The following LIMCH1 variants were observed in gnomAD, a reference collection of about 807,000 sequenced individuals.
LIMCH1 encodes LIM and calponin homology domains 1.
A neutral mutation model predicts 176.5 loss-of-function variants in LIMCH1; 113 were observed. That is an observed-to-expected ratio of 0.64 (90% confidence interval 0.55 to 0.75). The LOEUF (loss-of-function observed/expected upper bound fraction) is 0.75, where lower values mean the gene tolerates loss of function less well. Among genes scored for constraint, LIMCH1 ranks in the 30% least tolerant of loss-of-function variants. The pLI is 0.00. For missense variants in LIMCH1, 1,674 were observed against 1,814.9 expected, an observed-to-expected ratio of 0.92 and a Z score of 1.41; for synonymous variants, 619 against 645.9, an observed-to-expected ratio of 0.96 and a Z score of 0.63.
chr4:41,490,646 C>T (rs1165227217), intron 1 of LIMCH1, among the ~76,000 whole-genome samples: 1 of 152,224 alleles, frequency 6.6e-6, no homozygotes, highest in Non-Finnish European at 1.5e-5. Flanking sequence ...TTTCTTGGTA[C>T]AGAACAAAAT....
chr4:41,664,302 G>A (rs1321563656), intron 20 of LIMCH1, among the ~76,000 whole-genome samples: 1 of 152,186 alleles, frequency 6.6e-6, no homozygotes, highest in African/African-American at 2.4e-5. Flanking sequence ...AGTATTGGCT[G>A]TGCACCTACT....
intron 1 of LIMCH1, among the ~76,000 whole-genome samples, chr4:41,383,638 A>G (rs2056043327): frequency 6.6e-6 from 1 of 152,192 alleles, no homozygotes; most frequent in Non-Finnish European, 1.5e-5. Context: ...TGGCGCTTTT[A>G]ATAGTAGAGG....
At chr4:41,483,637 C>A (rs1235856132) in intron 1 of LIMCH1, among the ~76,000 whole-genome samples, 1 of 152,196 alleles carries the variant, frequency 6.6e-6, no homozygotes, top group South Asian at 2.1e-4. Context: ...TACCACCCTT[C>A]TCATCCCCAC....
intron 17 of LIMCH1, among the ~76,000 whole-genome samples, chr4:41,648,945 A>C (rs1207195413): frequency 9.4e-5 from 14 of 148,978 alleles, no homozygotes; most frequent in Admixed American, 9.4e-4. Context: ...GCTTGGGGCA[A>C]CTTCTGTTTC....
chr4:41,633,106 C>G (rs2093410886), intron 12 of LIMCH1, 21 bp downstream of exon 12: 2 of 1,491,942 alleles, frequency 1.3e-6, no homozygotes. Flanking sequence ...TGCCTGCGCT[C>G]TGCTCCGTGG....
chr4:41,371,362 C>A (rs535431900), intron 1 of LIMCH1, among the ~76,000 whole-genome samples: 1 of 152,222 alleles, frequency 6.6e-6, no homozygotes, highest in African/African-American at 2.4e-5. Context: ...TGGTTAGGAC[C>A]ATGATGAAAA....
At chr4:41,612,044 G>A (rs1345360425) in intron 4 of LIMCH1, among the ~76,000 whole-genome samples, 4 of 152,094 alleles carry the variant, frequency 2.6e-5, no homozygotes, top group African/African-American at 9.7e-5. Flanking sequence ...CAGGCCATTT[G>A]ACAACCTGTT....
At chr4:41,587,485 G>A (rs779846490) in intron 1 of LIMCH1, among the ~76,000 whole-genome samples, 3 of 152,120 alleles carry the variant, frequency 2.0e-5, no homozygotes, top group Non-Finnish European at 4.4e-5. Context: ...CTAGAGGTTC[G>A]TGTGGAAGAA....
chr4:41,691,592 CAAAAAAA>C (rs796984431), intron 30 of LIMCH1, among the ~76,000 whole-genome samples: 134 of 62,394 alleles, frequency 2.1e-3, no homozygotes, highest in Middle Eastern at 0.02. Flanking sequence ...ACTAAAAATA[CAAAAAAA>C]AAAAAAAAAA....
intron 1 of LIMCH1, among the ~76,000 whole-genome samples, chr4:41,477,283 C>T (rs970079986): frequency 1.3e-5 from 2 of 152,104 alleles, no homozygotes; most frequent in Non-Finnish European, 2.9e-5. Context: ...AAAGGCAGCT[C>T]CCCAGGGTGG....
intron 1 of LIMCH1, among the ~76,000 whole-genome samples, chr4:41,423,520 G>A (rs2060806110): frequency 6.6e-6 from 1 of 151,984 alleles, no homozygotes; most frequent in Non-Finnish European, 1.5e-5. Flanking sequence ...AAATGGGAGG[G>A]GAGGTGAGAA....
intron 1 of LIMCH1, among the ~76,000 whole-genome samples, chr4:41,576,030 G>A (rs2084407460): frequency 6.6e-6 from 1 of 152,202 alleles, no homozygotes; most frequent in Admixed American, 6.5e-5. Context: ...ACAAAAAGAA[G>A]AATGTGTAAG....
At chr4:41,660,188 A>G (rs978025150) in intron 18 of LIMCH1, among the ~76,000 whole-genome samples, 4 of 152,166 alleles carry the variant, frequency 2.6e-5, no homozygotes, top group Non-Finnish European at 5.9e-5. Flanking sequence ...CGTATCATTA[A>G]CTATTATTCA....
At chr4:41,672,715 G>A (rs2095091080) in intron 22 of LIMCH1, among the ~76,000 whole-genome samples, 1 of 152,146 alleles carries the variant, frequency 6.6e-6, no homozygotes, top group African/African-American at 2.4e-5. Context: ...CTAATCTCAG[G>A]CCTTGTTCGC....
At chr4:41,497,782 G>A (rs943998096) in intron 2 of LIMCH1, among the ~76,000 whole-genome samples, 18 of 146,170 alleles carry the variant, frequency 1.2e-4, no homozygotes, top group African/African-American at 2.3e-4. Flanking sequence ...TCCAGCCTGG[G>A]CAACAAGAGC....
intron 1 of LIMCH1, chr4:41,386,013 T>C (rs1405816909): frequency 6.6e-6 from 1 of 152,146 alleles, no homozygotes; most frequent in Non-Finnish European, 1.5e-5. Context: ...TAGGGTGAGT[T>C]TGATTAGAAT....
At chr4:41,582,554 C>T (rs2085685695) in intron 1 of LIMCH1, among the ~76,000 whole-genome samples, 1 of 152,126 alleles carries the variant, frequency 6.6e-6, no homozygotes, top group Non-Finnish European at 1.5e-5. Flanking sequence ...GTCAGATGGC[C>T]AGGATTTGAT....
intron 1 of LIMCH1, among the ~76,000 whole-genome samples, chr4:41,423,802 G>C (rs1219063921): frequency 2.0e-5 from 3 of 152,184 alleles, no homozygotes; most frequent in Non-Finnish European, 4.4e-5. Context: ...TGCTATAAAG[G>C]TGTGGAGTTT....
intron 1 of LIMCH1, among the ~76,000 whole-genome samples, chr4:41,440,294 C>T (rs2062563334): frequency 6.6e-6 from 1 of 152,078 alleles, no homozygotes; most frequent in African/African-American, 2.4e-5. Flanking sequence ...CTAACTAAAA[C>T]AATGTTTCTA....
Sources: gnomAD v4.1 joint callset for allele counts (sites outside exome capture counted in the v4.1 genomes callset) on GRCh38, gnomAD v4.1.1 for gene constraint, MANE v1.5 for transcripts, NCBI Gene and HGNC (gene_info 2026-07-23, HGNC 2026-07-21) for gene names.